NFIC: variants seen among roughly 807,000 people sequenced by gnomAD.
NFIC encodes nuclear factor 1 C-type.
NFIC carries 12 observed loss-of-function variants against 54.4 expected under a neutral mutation model. The ratio of observed to expected loss-of-function variants is 0.22; its 90% CI spans 0.14 to 0.36. The LOEUF (loss-of-function observed/expected upper bound fraction) is 0.36. Ranked by LOEUF, NFIC falls within the 10% of genes least tolerant of loss-of-function variation. NFIC has a pLI of 1.00. For missense variants in NFIC, 575 were observed against 718.2 expected, an observed-to-expected ratio of 0.80 and a Z score of 2.28; for synonymous variants, 322 against 319.2, an observed-to-expected ratio of 1.01 and a Z score of -0.09.
intron 6 of NFIC, among the ~76,000 whole-genome samples, chr19:3,440,044 G>T (rs181487620): frequency 3.3e-5 from 5 of 152,124 alleles, no homozygotes; most frequent in Non-Finnish European, 7.4e-5. Flanking sequence ...CGTAAAGCAC[G>T]CACCTGGGGC....
chr19:3,368,758 G>A (rs1403148525), intron 1 of NFIC, among the ~76,000 whole-genome samples: 4 of 152,182 alleles, frequency 2.6e-5, no homozygotes, highest in African/African-American at 9.7e-5. Flanking sequence ...GGGGTGGGCT[G>A]GGGGACTCAG....
rs1250397338 is a variant in NFIC at position 3,465,616 on chromosome 19, G to A, written c.*2847G>A. ...CCAACCCTGCTCTTGGGTACCCAGA[G>A]GGGTCATTTCTGAATCCCTTGCCCA... On this transcript the variant is annotated 3_prime_UTR_variant, in exon 11 of 11. Coordinates refer to ENST00000443272, the MANE Select transcript of NFIC (RefSeq NM_001245002.2). 1 of 152,078 alleles carries A rather than the reference G, an allele frequency of 6.6e-6. No homozygotes were observed. Among genetic ancestry groups the A allele is most frequent in the Admixed American group, 6.6e-5 (1 of 15,266 alleles). The allele number at this position is 152,078 out of a possible 1,614,324, so 9.4% of individuals were successfully genotyped here. A position where few individuals can be genotyped will look rare whatever the true frequency, so the allele number is the denominator to read the frequency against.
chr19:3,434,212 C>T, intron 4 of NFIC, 65 bp from the exon 5 acceptor site: 1 of 1,554,894 alleles, frequency 6.4e-7, no homozygotes, highest in Non-Finnish European at 8.7e-7. Context: ...TTCCCTACCT[C>T]TCTAAAGCAA....
intron 2 of NFIC, among the ~76,000 whole-genome samples, chr19:3,404,333 G>C (rs1423255252): frequency 6.6e-6 from 1 of 152,160 alleles, no homozygotes; most frequent in Admixed American, 6.5e-5. Flanking sequence ...AGGGGGTGGG[G>C]GTGAGGGTGT....
chr19:3,433,254 T>A (rs1474481881), intron 3 of NFIC, among the ~76,000 whole-genome samples: 1 of 152,242 alleles, frequency 6.6e-6, no homozygotes. Context: ...CATGAGCCAC[T>A]GCGCCCGGCC....
At chr19:3,406,901 G>T (rs139163217) in intron 2 of NFIC, among the ~76,000 whole-genome samples, 3 of 152,222 alleles carry the variant, frequency 2.0e-5, no homozygotes, top group Admixed American at 6.5e-5. Flanking sequence ...GTTCCAAGCA[G>T]TGTGCACAGC....
chr19:3,463,341 A>C lies in NFIC; in HGVS notation c.*572A>C. On this transcript the variant is annotated 3_prime_UTR_variant, in exon 11 of 11. Coordinates refer to ENST00000443272, the MANE Select transcript of NFIC (RefSeq NM_001245002.2). ...CCGAGGACGCAGCCACTGGGGGGAA[A>C]GGGAGACACAGCGGACCCCGGCCGG... 1.0e-6 allele frequency: 1 copy of C among 986,434 alleles called. No homozygotes were observed. The highest frequency in any genetic ancestry group is 1.2e-6 in the Non-Finnish European group (1 of 830,840). 61.1% of individuals were successfully genotyped at this position (986,434 alleles called of 1,614,324 possible).
In NFIC at chr19:3,370,520, C is replaced by T. The variant is rs1049872345; in HGVS notation, c.30+3854C>T. Reference sequence around the variant, plus strand: ...CTCTCTCTGTCTCCCTCCCTTTCTCCCCCCATCTCGCTCTCTCCTCCTCTC... The same window carrying T: ...CTCTCTCTGTCTCCCTCCCTTTCTCTCCCCATCTCGCTCTCTCCTCCTCTC... On this transcript the variant is annotated intron_variant, in intron 1 of 10. Transcript: ENST00000443272. The surrounding 1 kb of genome is among the most constrained non-coding windows in gnomAD (Gnocchi z 5.2). 2.0e-5 allele frequency among the ~76,000 whole-genome samples: 3 copies of T among 149,508 alleles called. No homozygotes were observed. In the East Asian group the frequency reaches 6.0e-4, roughly 30 times the overall value.
intron 2 of NFIC, among the ~76,000 whole-genome samples, chr19:3,402,985 C>T (rs1299370646): frequency 2.0e-5 from 3 of 152,144 alleles, no homozygotes; most frequent in African/African-American, 7.2e-5. Context: ...CTTAATGTTC[C>T]TCACATTCCT....
intron 2 of NFIC, among the ~76,000 whole-genome samples, chr19:3,409,610 G>A (rs771495851): frequency 2.0e-5 from 3 of 152,156 alleles, no homozygotes; most frequent in Admixed American, 2.0e-4. Context: ...TTCAGCCAGC[G>A]GACGCAGGGA....
rs1333353508 is a variant in NFIC at position 3,370,263 on chromosome 19, C to T, written c.30+3597C>T. ...CCATCTGGCGGCTTGGGCAGGTGGG[C>T]GCTCTCTCCCCGTGTGCCCCCCACC... On this transcript the variant is annotated intron_variant, in intron 1 of 10. Coordinates refer to ENST00000443272, the MANE Select transcript of NFIC (RefSeq NM_001245002.2). The surrounding 1 kb of genome is among the most constrained non-coding windows in gnomAD (Gnocchi z 5.2). Among the ~76,000 whole-genome samples, 36 of 152,098 alleles carry T rather than the reference C, an allele frequency of 2.4e-4. 1 individual carries two copies. The highest frequency in any genetic ancestry group is 2.2e-3 in the Admixed American group (33 of 15,278).
rs1014209599 is a variant in NFIC, at chr19:3,467,222, C to T, written c.*4453C>T. On this transcript the variant is annotated 3_prime_UTR_variant, in exon 11 of 11. Coordinates refer to ENST00000443272, the MANE Select transcript of NFIC (RefSeq NM_001245002.2). ...CCACACCTATGCCAGGCCCCCCCCC[C>T]CACCCCAGTCTCATTCTGGGGTCTG... The T allele has an allele frequency of 1.5e-5, 2 of 129,704 alleles. No homozygotes were observed. The highest frequency in any genetic ancestry group is 5.7e-5 in the African/African-American group (2 of 35,330). The allele number at this position is 129,704 out of a possible 1,614,324, so 8.0% of individuals were successfully genotyped here.
chr19:3,442,151 G>A (rs1282508059), intron 6 of NFIC, among the ~76,000 whole-genome samples: 1 of 152,180 alleles, frequency 6.6e-6, no homozygotes, highest in Admixed American at 6.5e-5. Context: ...CTTGGGGCCT[G>A]GGCCAGGCCC....
intron 2 of NFIC, chr19:3,411,074 C>T (rs1434637311): frequency 6.6e-6 from 1 of 152,044 alleles, no homozygotes; most frequent in Non-Finnish European, 1.5e-5. Context: ...TGCAGTGGCT[C>T]AATCATAGCT....
intron 2 of NFIC, among the ~76,000 whole-genome samples, chr19:3,413,676 G>C (rs1007352488): frequency 1.3e-5 from 2 of 152,082 alleles, no homozygotes; most frequent in Non-Finnish European, 1.5e-5. Context: ...GTCTCGCTCT[G>C]TCTCCCAGGC....
chr19:3,410,748 C>G (rs571470435), intron 2 of NFIC: 1 of 152,428 alleles, frequency 6.6e-6, no homozygotes, highest in African/African-American at 2.4e-5. Flanking sequence ...TCCCCGTCCC[C>G]TCCGTAAGCT....
At position 3,382,095 on chromosome 19, in the gene NFIC, C is replaced by T. The variant is rs1433234647; in HGVS notation, c.414C>T (p.Phe138=). The change falls in exon 2 of 11, where the codon TTC becomes TTT. Residue 138 remains phenylalanine, a synonymous_variant. Coordinates refer to ENST00000443272, the MANE Select transcript of NFIC (RefSeq NM_001245002.2). The part of the protein sequence containing the change: ...WRLDLVMVIL[F]KGIPLESTDG... ...TGGACCTGGTCATGGTCATCCTGTTCAAGGGCATCCCGCTGGAGAGCACCG... is the reference window on the plus strand; with the variant it reads ...TGGACCTGGTCATGGTCATCCTGTTTAAGGGCATCCCGCTGGAGAGCACCG... The T allele has an allele frequency of 1.9e-6, 3 of 1,613,306 alleles. No individual in the cohort carries two copies. Among genetic ancestry groups the T allele is most frequent in the Non-Finnish European group, 2.5e-6 (3 of 1,179,952 alleles).
intron 10 of NFIC, among the ~76,000 whole-genome samples, chr19:3,457,703 A>C (rs944293937): frequency 1.3e-5 from 2 of 152,090 alleles, no homozygotes; most frequent in African/African-American, 4.8e-5. Context: ...CAAATCTTCC[A>C]GCCACTGAGG....
intron 6 of NFIC, among the ~76,000 whole-genome samples, chr19:3,445,489 G>T (rs1382688695): frequency 1.3e-5 from 2 of 152,224 alleles, no homozygotes; most frequent in South Asian, 2.1e-4. Context: ...TGCCCCCCAT[G>T]TGGGTGTCCT....
Sources: allele counts gnomAD v4.1 joint callset (sites outside exome capture counted in the v4.1 genomes callset), GRCh38; gene constraint gnomAD v4.1.1; non-coding constraint Gnocchi (gnomAD v3.1); transcripts MANE v1.5; gene names NCBI Gene and HGNC (gene_info 2026-07-23, HGNC 2026-07-21).